The following CYP2B6 variants were observed in gnomAD, a reference collection of about 807,000 sequenced individuals.
The protein encoded by CYP2B6 is cytochrome P450 family 2 subfamily B member 6.
Under a neutral mutation model 43.4 loss-of-function variants are expected in CYP2B6, and 35 were observed. The observed-to-expected ratio is 0.81, with a 90% CI of 0.62 to 1.07. CYP2B6 has a LOEUF of 1.07. Among genes scored for constraint, CYP2B6 ranks in the 50% least tolerant of loss-of-function variants. The probability of loss-of-function intolerance (pLI) is 0.00; values close to 1 mark genes in which losing one functional copy is unlikely to be tolerated. For synonymous variants in CYP2B6, 239 were observed against 239.2 expected, an observed-to-expected ratio of 1.00 and a Z score of 0.01; for missense variants, 624 against 632.8, an observed-to-expected ratio of 0.99 and a Z score of 0.15.
intron 4 of CYP2B6, chr19:41,007,735 C>T (rs1339299412): frequency 6.6e-6 from 1 of 152,350 alleles, no homozygotes; most frequent in Non-Finnish European, 1.5e-5. Context: ...AAGCAATTCC[C>T]CTGCCTCAGC....
chr19:41,010,995 C>A lies in CYP2B6; in HGVS notation c.964+860C>A, dbSNP rs193002414. 4.6e-5 allele frequency among the ~76,000 whole-genome samples: 7 copies of A among 152,234 alleles called. No homozygotes were observed. In the East Asian group the frequency reaches 1.3e-3, roughly 29 times the overall value. ...ATTAAAGAATGTATAATTACTGATT[C>A]TTTCATTTATGATTCATCTAAGGAC... On this transcript the variant is annotated intron_variant, in intron 6 of 8. Transcript: ENST00000324071.
At chr19:41,011,006 G>T (rs539170990) in intron 6 of CYP2B6, among the ~76,000 whole-genome samples, 3 of 151,778 alleles carry the variant, frequency 2.0e-5, no homozygotes, top group Admixed American at 6.6e-5. Flanking sequence ...TTTCATTTAT[G>T]ATTCATCTAA....
At chr19:41,013,556 A>C (rs1969317932) in intron 8 of CYP2B6, among the ~76,000 whole-genome samples, 1 of 152,186 alleles carries the variant, frequency 6.6e-6, no homozygotes, top group African/African-American at 2.4e-5. Context: ...AACCTATAGG[A>C]AGTCCAGTGA....
intron 1 of CYP2B6, 87 bp downstream of exon 1, chr19:40,991,563 T>A: frequency 3.4e-6 from 5 of 1,484,420 alleles, no homozygotes; most frequent in Non-Finnish European, 4.7e-6. Flanking sequence ...TGAGGCAGAC[T>A]TCCAGAGTCA....
At chr19:41,012,591 T>C in intron 7 of CYP2B6, 83 bp from the exon 8 acceptor site, 1 of 1,612,050 alleles carries the variant, frequency 6.2e-7, no homozygotes, top group Non-Finnish European at 8.5e-7. Flanking sequence ...CCGTTGTTTT[T>C]GTTTTTTGTA....
chr19:41,012,415 A>C lies in CYP2B6; in HGVS notation c.1082A>C (p.Asp361Ala). The C allele has an allele frequency of 1.9e-6, 3 of 1,613,916 alleles. No homozygotes were observed. Among genetic ancestry groups the C allele is most frequent in the Non-Finnish European group, 2.5e-6 (3 of 1,179,950 alleles). ...ATCTATGAGATTCAGAGATTTTCCG[A>C]CCTTCTCCCCATGGGTGTGCCCCAC... Reference protein sequence around the residue: ...AVIYEIQRFSDLLPMGVPHIV... With the variant: ...AVIYEIQRFSALLPMGVPHIV... The change falls in exon 7 of 9, where the codon GAC becomes GCC. Residue 361 changes from aspartate to alanine, a missense_variant. Physicochemically the swap from Asp to Ala is moderately radical, Grantham distance 126. Coordinates refer to ENST00000324071, the MANE Select transcript of CYP2B6 (RefSeq NM_000767.5).
At chr19:41,015,966 T>C (rs1969356177) in intron 8 of CYP2B6, among the ~76,000 whole-genome samples, 1 of 150,986 alleles carries the variant, frequency 6.6e-6, no homozygotes, top group Non-Finnish European at 1.5e-5. Flanking sequence ...AAGAATGTTG[T>C]CATAAATGTG....
At position 41,009,339 on chromosome 19, in the gene CYP2B6, C is replaced by T; in HGVS notation, c.766C>T (p.Leu256=). ...GHSVEKHRET[L]DPSAPKDLID... Reference sequence around the variant, plus strand: ...CAGTGTGGAGAAGCACCGTGAAACCCTGGACCCCAGCGCCCCCAAGGACCT... The same window carrying T: ...CAGTGTGGAGAAGCACCGTGAAACCTTGGACCCCAGCGCCCCCAAGGACCT... Residue 256 remains leucine, a synonymous_variant, in exon 5 of 9, where the codon CTG becomes TTG. Transcript: ENST00000324071. 1.2e-6 allele frequency: 2 copies of T among 1,606,558 alleles called. No homozygotes were observed. Among genetic ancestry groups the T allele is most frequent in the Non-Finnish European group, 1.7e-6 (2 of 1,174,264 alleles).
intron 3 of CYP2B6, 133 bp from the exon 4 acceptor site, chr19:41,006,772 C>CGGTT (rs1969194336): frequency 2.4e-6 from 2 of 822,712 alleles, no homozygotes; most frequent in African/African-American, 3.4e-5. Context: ...CGTGCTGGTA[C>CGGTT]ATAATTAGCT....
intron 3 of CYP2B6, among the ~76,000 whole-genome samples, chr19:41,006,183 T>A (rs1024613549): frequency 4.6e-5 from 7 of 152,114 alleles, no homozygotes; most frequent in Non-Finnish European, 8.8e-5. Flanking sequence ...AGACGGGGTC[T>A]CACTCTGTAC....
At chr19:41,010,362 T>G (rs141799106) in intron 6 of CYP2B6, among the ~76,000 whole-genome samples, 1 of 152,048 alleles carries the variant, frequency 6.6e-6, no homozygotes, top group Non-Finnish European at 1.5e-5. Context: ...CACTTAAGGA[T>G]TTTTTGTTCT....
At chr19:40,992,748 G>C (rs1428542354) in intron 1 of CYP2B6, among the ~76,000 whole-genome samples, 1 of 152,048 alleles carries the variant, frequency 6.6e-6, no homozygotes, top group African/African-American at 2.4e-5. Context: ...TTAAACTCCT[G>C]GGCTCAAGCA....
In CYP2B6 at chr19:41,008,321, C is replaced by T. The variant is rs901992079; in HGVS notation, c.646-898C>T. 1.3e-5 allele frequency among the ~76,000 whole-genome samples: 2 copies of T among 149,592 alleles called. 1 individual carries two copies. Among genetic ancestry groups the T allele is most frequent in the Non-Finnish European group, 3.0e-5 (2 of 67,712 alleles). ...CCACCTCCCAGGTTCAAGCAATTCT[C>T]ATGGCTCAGCCTCCCGAGCAGCCGG... is the stretch of plus-strand genomic sequence containing the variant. On this transcript the variant is annotated intron_variant, in intron 4 of 8. Transcript: ENST00000324071.
chr19:41,017,252 A>G lies in CYP2B6; in HGVS notation c.*425A>G, dbSNP rs1969386289. ...GAGATGGGGTTTCACTGTGTAGGCC[A>G]GGCTGGTCTCGAACTCCTGAACTCA... On this transcript the variant is annotated 3_prime_UTR_variant, in exon 9 of 9. Coordinates refer to ENST00000324071, the MANE Select transcript of CYP2B6 (RefSeq NM_000767.5). 1 of 154,464 alleles carries G rather than the reference A, an allele frequency of 6.5e-6. No individual in the cohort carries two copies. The highest frequency in any genetic ancestry group is 2.4e-5 in the African/African-American group (1 of 41,390). 9.6% of individuals were successfully genotyped at this position (154,464 alleles called of 1,614,324 possible).
At chr19:41,005,071 T>C (rs1165513218) in intron 3 of CYP2B6, among the ~76,000 whole-genome samples, 1 of 152,054 alleles carries the variant, frequency 6.6e-6, no homozygotes, top group Non-Finnish European at 1.5e-5. Flanking sequence ...AAACGGAAGT[T>C]AAGTAAAAGA....
intron 3 of CYP2B6, among the ~76,000 whole-genome samples, chr19:41,005,041 ATTGTG>A (rs1286449267): frequency 2.0e-5 from 3 of 152,116 alleles, no homozygotes; most frequent in African/African-American, 7.2e-5. Context: ...TCATGGATCA[ATTGTG>A]TCTGTCAAAG....
At chr19:41,012,613 T>A in intron 7 of CYP2B6, 61 bp from the exon 8 acceptor site, 5 of 1,611,974 alleles carry the variant, frequency 3.1e-6, no homozygotes, top group Non-Finnish European at 1.7e-6. Context: ...TTCTTTTTTG[T>A]GGAGTGTGTG....
intron 1 of CYP2B6, among the ~76,000 whole-genome samples, chr19:41,003,791 G>A (rs1425913706): frequency 6.6e-6 from 1 of 152,186 alleles, no homozygotes; most frequent in Non-Finnish European, 1.5e-5. Flanking sequence ...ACCAGAAACG[G>A]AAACTAAGAA....
rs35189126 is a variant in CYP2B6, at chr19:41,004,508, G to A, written c.484+62G>A. 6.4e-4 allele frequency: 1,010 copies of A among 1,579,050 alleles called. 4 individuals are homozygous for A. The highest frequency in any genetic ancestry group is 6.1e-3 in the South Asian group (534 of 87,768). ...GAAACACTGAGAGATGCAGGTGCACGGGAATAGAAAGACAGAGAGGTATAT... is the reference window on the plus strand; with the variant it reads ...GAAACACTGAGAGATGCAGGTGCACAGGAATAGAAAGACAGAGAGGTATAT... On this transcript the variant is annotated intron_variant, in intron 3 of 8. Transcript: ENST00000324071.
Sources: gnomAD v4.1 joint callset for allele counts (sites outside exome capture counted in the v4.1 genomes callset) on GRCh38, gnomAD v4.1.1 for gene constraint, MANE v1.5 for transcripts, NCBI Gene and HGNC (gene_info 2026-07-23, HGNC 2026-07-21) for gene names.